MYCBP2: variants seen among roughly 807,000 people sequenced by gnomAD.
MYCBP2 encodes MYC binding protein 2, also known as E3 ubiquitin-protein ligase MYCBP2.
A neutral mutation model predicts 525.3 loss-of-function variants in MYCBP2; 120 were observed. That is an observed-to-expected ratio of 0.23 (90% CI 0.20 to 0.27). The LOEUF is 0.27. Ranked by LOEUF, MYCBP2 falls within the 10% of genes least tolerant of loss-of-function variation. The pLI is 1.00. For synonymous variants in MYCBP2, 1,894 were observed against 1,955.8 expected (o/e 0.97, Z 0.83); for missense variants, 4,149 against 5,657.1 (o/e 0.73, Z 8.55).
At chr13:77,195,715 A>G (rs975410988) in intron 26 of MYCBP2, among the ~76,000 whole-genome samples, 12 of 152,218 alleles carry the variant, frequency 7.9e-5, no homozygotes, top group African/African-American at 2.9e-4. Flanking sequence ...GAATATTTCA[A>G]CAACTAATTA....
chr13:77,068,866 AG>A, intron 69 of MYCBP2, 35 bp from the exon 70 acceptor site: 1 of 1,598,358 alleles, frequency 6.3e-7, no homozygotes, highest in Middle Eastern at 1.7e-4. Flanking sequence ...GTAAAAATAT[AG>A]GGTTAGTTTG....
Position 77,326,495 on chromosome 13 carries a change from C to A in MYCBP2, c.281G>T (p.Ser94Ile), listed in dbSNP as rs1471400474. 9 of 1,585,176 alleles carry A rather than the reference C, an allele frequency of 5.7e-6. No individual in the cohort carries two copies. The Admixed American group carries it at 1.4e-4, about 25-fold the overall frequency. The change falls in exon 1 of 83, where the codon AGC becomes ATC. Residue 94 changes from serine to isoleucine, a missense_variant. Ser to Ile is a moderately radical substitution (Grantham distance 142). This residue lies in a region of MYCBP2 where 413 missense variants were observed against 451.2 expected (regional missense o/e 0.92). Transcript: ENST00000544440. This position sits in a 1 kb window ranked among gnomAD's most constrained non-coding sequence, Gnocchi z 4.2. The stretch of plus-strand genomic sequence containing the variant: ...GCACCTGGAGGCTGGGTGTCCAGCG[C>A]TGCCGCCCCCCTGGTCCCTGTCATT... ...ALNDRDQGGG[S>I]AGHPASRNKK...
chr13:77,072,474 C>T (rs748564479), intron 68 of MYCBP2, among the ~76,000 whole-genome samples: 15 of 151,886 alleles, frequency 9.9e-5, no homozygotes, highest in Non-Finnish European at 1.8e-4. Flanking sequence ...TTGGAGTCTA[C>T]GATCTGATCT....
At chr13:77,076,911 G>A (rs2042405461) in intron 67 of MYCBP2, 62 bp from the exon 68 acceptor site, 4 of 1,292,902 alleles carry the variant, frequency 3.1e-6, no homozygotes, top group South Asian at 1.2e-5. Context: ...ATTGGCCAGA[G>A]GACTCATTAG....
intron 68 of MYCBP2, among the ~76,000 whole-genome samples, chr13:77,072,226 GC>G (rs1400481018): frequency 6.7e-6 from 1 of 150,140 alleles, no homozygotes; most frequent in Non-Finnish European, 1.5e-5. Flanking sequence ...AGGAGTCAGA[GC>G]TTGCAGTGAG....
At chr13:77,101,506 C>A (rs1026333416) in intron 55 of MYCBP2, among the ~76,000 whole-genome samples, 12 of 152,094 alleles carry the variant, frequency 7.9e-5, no homozygotes, top group Admixed American at 3.3e-4. Flanking sequence ...CTGCCAAATA[C>A]CAGGAACACC....
At chr13:77,108,133 A>G (rs969063010) in intron 55 of MYCBP2, among the ~76,000 whole-genome samples, 1 of 152,214 alleles carries the variant, frequency 6.6e-6, no homozygotes, top group African/African-American at 2.4e-5. Flanking sequence ...TTACTAGACT[A>G]TGACATTAAT....
chr13:77,296,624 T>G lies in MYCBP2; in HGVS notation c.353A>C (p.Lys118Thr). ...CTTGCTTCTTGTCTTCACTTTTGAT[T>G]TGCTCTTCTGTTTTCTTTTCAATTT... ...KKKLKRKQKS[K>T]SKVKTRSKSE... The change falls in exon 2 of 83, where the codon AAA becomes ACA. Residue 118 changes from lysine to threonine, a missense_variant. Lys to Thr is a moderately conservative substitution (Grantham distance 78). Coordinates refer to ENST00000544440, the MANE Select transcript of MYCBP2 (RefSeq NM_015057.5). 6.4e-7 allele frequency: 1 copy of G among 1,572,334 alleles called. No individual in the cohort carries two copies. Among genetic ancestry groups the G allele is most frequent in the Non-Finnish European group, 8.6e-7 (1 of 1,158,240 alleles).
rs925388299 is a variant in MYCBP2, at chr13:77,066,013, T to C, written c.12531A>G (p.Lys4177=). The C allele has an allele frequency of 1.6e-5, 25 of 1,612,648 alleles. No individual in the cohort carries two copies. In the African/African-American group the frequency reaches 3.2e-4, roughly 21 times the overall value. Residue 4177 remains lysine (K), a synonymous_variant, in exon 72 of 83, where the codon AAA becomes AAG. Transcript: ENST00000544440. The part of the protein sequence containing the change: ...TPTQISEIII[K]LIKDMAAGHL... ...TTACTGCTGCCATATCCTTGATAAG[T>C]TTAATGATGATCTCTGAGATCTGGG...
chr13:77,238,490 G>A (rs763560026), intron 17 of MYCBP2, among the ~76,000 whole-genome samples: 2 of 152,096 alleles, frequency 1.3e-5, no homozygotes, highest in Non-Finnish European at 2.9e-5. Flanking sequence ...ATGACTTCAA[G>A]AGCCCTACTT....
chr13:77,302,667 A>G (rs1349760348), intron 1 of MYCBP2, among the ~76,000 whole-genome samples: 1 of 152,208 alleles, frequency 6.6e-6, no homozygotes, highest in Non-Finnish European at 1.5e-5. Context: ...AATAACTGTA[A>G]TATCATAATT....
intron 55 of MYCBP2, among the ~76,000 whole-genome samples, chr13:77,116,461 T>C (rs984723151): frequency 5.9e-5 from 9 of 152,026 alleles, no homozygotes; most frequent in African/African-American, 1.9e-4. Flanking sequence ...TTCTGAATTA[T>C]TTTAAAAAAT....
Position 77,140,064 on chromosome 13 carries a change from T to G in MYCBP2, c.7501A>C (p.Ile2501Leu), listed in dbSNP as rs745363116. Residue 2501 changes from isoleucine (I) to leucine (L), a missense_variant, in exon 51 of 83, where the codon ATC becomes CTC. Physicochemically the swap from Ile to Leu is conservative, Grantham distance 5 (BLOSUM62 2). This residue lies in a region of MYCBP2 where 692 missense variants were observed against 852.7 expected (regional missense o/e 0.81). Coordinates refer to ENST00000544440, the MANE Select transcript of MYCBP2 (RefSeq NM_015057.5). ...QIGIVKVNGT[I>L]TFIDEIHNDD... ...TCAATTACCTCATCAATAAAAGTGA[T>G]AGTTCCATTGACTTTCACTATGCCT... 1.9e-6 allele frequency: 3 copies of G among 1,607,826 alleles called. No homozygotes were observed. In the South Asian group the frequency reaches 3.3e-5, roughly 18 times the overall value.
intron 52 of MYCBP2, among the ~76,000 whole-genome samples, chr13:77,133,957 C>T (rs1303479106): frequency 1.3e-5 from 2 of 152,114 alleles, no homozygotes; most frequent in African/African-American, 4.8e-5. Context: ...CTGTATCCCT[C>T]CCCTCTGCAT....
chr13:77,319,615 C>T (rs2081355926), intron 1 of MYCBP2, among the ~76,000 whole-genome samples: 1 of 152,168 alleles, frequency 6.6e-6, no homozygotes, highest in Non-Finnish European at 1.5e-5. Context: ...TACCAAAAGC[C>T]ATCTGATGAT....
At chr13:77,257,543 T>C (rs1210539370) in intron 14 of MYCBP2, 128 bp downstream of exon 14, 2 of 1,007,690 alleles carry the variant, frequency 2.0e-6, no homozygotes, top group Non-Finnish European at 2.7e-6. Flanking sequence ...TTAAAAAAAA[T>C]TTAAATAGGA....
chr13:77,278,907 A>G lies in MYCBP2; in HGVS notation c.599T>C (p.Ile200Thr), dbSNP rs192101430. Residue 200 changes from isoleucine (I) to threonine (T), a missense_variant, in exon 4 of 83, where the codon ATT becomes ACT. Coordinates refer to ENST00000544440, the MANE Select transcript of MYCBP2 (RefSeq NM_015057.5). Reference protein sequence around the residue: ...KEPPIKLPKIIEVGLCEVFEL... With the variant: ...KEPPIKLPKITEVGLCEVFEL... Reference sequence around the variant, plus strand: ...AAAAACTTCACAAAGGCCAACCTCAATAATCTATTTAAAAGGAAAAAATAT... The same window carrying G: ...AAAAACTTCACAAAGGCCAACCTCAGTAATCTATTTAAAAGGAAAAAATAT... 5.7e-5 allele frequency: 90 copies of G among 1,565,782 alleles called. No individual in the cohort carries two copies. Among genetic ancestry groups the G allele is most frequent in the Non-Finnish European group, 5.0e-5 (58 of 1,159,966 alleles).
chr13:77,210,071 GTGCTCAGCCC>G (rs1212885291), intron 23 of MYCBP2, among the ~76,000 whole-genome samples: 1 of 152,166 alleles, frequency 6.6e-6, no homozygotes, highest in African/African-American at 2.4e-5. Flanking sequence ...AAGGAAAGAA[GTGCTCAGCCC>G]TGTGATGAGC....
Position 77,117,940 on chromosome 13 carries a change from C to T in MYCBP2, c.8140+3433G>A, listed in dbSNP as rs530826834. ...ACAGGAAACAACAATTTGAGAAAAC[C>T]GGGAAAACTAAATTGTCATACATTT... On this transcript the variant is annotated intron_variant, in intron 55 of 82. Coordinates refer to ENST00000544440, the MANE Select transcript of MYCBP2 (RefSeq NM_015057.5). 5.9e-5 allele frequency among the ~76,000 whole-genome samples: 9 copies of T among 151,920 alleles called. No homozygotes were observed. In the Middle Eastern group the frequency reaches 0.02, roughly 344 times the overall value.
Sources: allele counts gnomAD v4.1 joint callset (sites outside exome capture counted in the v4.1 genomes callset), GRCh38; gene constraint gnomAD v4.1.1; regional missense constraint gnomAD v4.1.1; non-coding constraint Gnocchi (gnomAD v3.1); transcripts MANE v1.5; gene names NCBI Gene and HGNC (gene_info 2026-07-23, HGNC 2026-07-21).